ACAT2: variants seen among roughly 807,000 people sequenced by gnomAD.
The protein encoded by ACAT2 is acetyl-CoA acetyltransferase, cytosolic.
Under a neutral mutation model 37.1 loss-of-function variants are expected in ACAT2, and 26 were observed. The observed-to-expected ratio is 0.70, with a 90% CI of 0.51 to 0.97. ACAT2 has a LOEUF of 0.97. Ranked by LOEUF, ACAT2 falls within the 50% of genes least tolerant of loss-of-function variation. ACAT2 has a pLI of 0.00. For missense variants in ACAT2, 468 were observed against 489.0 expected, an observed-to-expected ratio of 0.96 and a Z score of 0.40; for synonymous variants, 156 against 163.6, an observed-to-expected ratio of 0.95 and a Z score of 0.35.
chr6:159,777,741 GGTCT>G lies in ACAT2; in HGVS notation c.912+286_912+289del, dbSNP rs1780451385. Among the ~76,000 whole-genome samples, 4 of 111,564 alleles carry G rather than the reference GGTCT, an allele frequency of 3.6e-5. No homozygotes were observed. In the South Asian group the frequency reaches 1.2e-3, roughly 33 times the overall value. 73.2% of individuals were successfully genotyped at this position (111,564 alleles called of 152,430 possible). On this transcript the variant is annotated intron_variant, in intron 7 of 8. Coordinates refer to ENST00000367048, the MANE Select transcript of ACAT2 (RefSeq NM_005891.3). ...CGCCTTCTTCATTTCGTAGAGACAA[GGTCT>G]ATGTCGCCCAGGCTGGTTTTGAACT...
chr6:159,775,276 C>T lies in ACAT2; in HGVS notation c.597C>T (p.Asp199=). The part of the protein sequence containing the change: ...TENAQKAGHF[D]KEIVPVLVST... ...ATGCACAGAAAGCTGGCCATTTTGA[C>T]AAAGAGATTGTACCAGTTTTGGTGT... Residue 199 remains aspartate, a synonymous_variant, in exon 5 of 9, where the codon GAC becomes GAT. Transcript: ENST00000367048. The T allele has an allele frequency of 6.2e-7, 1 of 1,614,044 alleles. No individual in the cohort carries two copies. The highest frequency in any genetic ancestry group is 1.1e-5 in the South Asian group (1 of 91,046).
At chr6:159,763,200 T>G in intron 2 of ACAT2, 147 bp downstream of exon 2, 1 of 1,109,948 alleles carries the variant, frequency 9.0e-7, no homozygotes, top group Non-Finnish European at 1.3e-6. Flanking sequence ...CCCTCTGTTA[T>G]GATTCCTCCT....
chr6:159,777,290 CAT>C lies in ACAT2; in HGVS notation c.758-9_758-8del. On this transcript the variant is annotated splice_polypyrimidine_tract_variant and intron_variant, in intron 6 of 8. Transcript: ENST00000367048. ...TAAGCATGGTAGAAATTAAGTCACTCATATTTTACAGGAATAAATGATGGTGC... is the reference window on the plus strand; with the variant it reads ...TAAGCATGGTAGAAATTAAGTCACTCATTTTACAGGAATAAATGATGGTGC... 1 of 1,608,086 alleles carries C rather than the reference CAT, an allele frequency of 6.2e-7. No individual in the cohort carries two copies.
At chr6:159,765,394 G>A (rs1780238319) in intron 2 of ACAT2, among the ~76,000 whole-genome samples, 2 of 150,856 alleles carry the variant, frequency 1.3e-5, no homozygotes, top group South Asian at 4.2e-4. Flanking sequence ...GGGATTACAG[G>A]CATGAGCCAC....
At chr6:159,768,038 C>G (rs1025673345) in intron 3 of ACAT2, among the ~76,000 whole-genome samples, 2 of 152,154 alleles carry the variant, frequency 1.3e-5, no homozygotes, top group African/African-American at 2.4e-5. Flanking sequence ...TTCTAATATA[C>G]CTGCTGTTGA....
chr6:159,764,434 T>A (rs962460159), intron 2 of ACAT2, among the ~76,000 whole-genome samples: 1 of 150,522 alleles, frequency 6.6e-6, no homozygotes, highest in Non-Finnish European at 1.5e-5. Context: ...ATTAATTAAT[T>A]AATTATTATT....
intron 5 of ACAT2, chr6:159,775,831 C>A: frequency 3.8e-6 from 1 of 262,710 alleles, no homozygotes; most frequent in Non-Finnish European, 7.3e-6. Context: ...CTGCCTGATC[C>A]ACTCACTCGT....
At chr6:159,778,615 G>A in intron 8 of ACAT2, 44 bp from the exon 9 acceptor site, 1 of 1,596,352 alleles carries the variant, frequency 6.3e-7, no homozygotes, top group South Asian at 1.1e-5. Context: ...TTTAAACTGT[G>A]TCCACAGAAG....
intron 4 of ACAT2, among the ~76,000 whole-genome samples, chr6:159,769,961 A>T (rs544550981): frequency 1.1e-3 from 171 of 152,366 alleles, no homozygotes; most frequent in African/African-American, 4.0e-3. Context: ...TGGAGATTTT[A>T]TAGATTACTA....
rs879071635 is a variant in ACAT2, at chr6:159,776,033, T to C, written c.635-117T>C. ...CTGTTGTCATCAAAGTGGTCACATA[T>C]TAAAACTTTTCTGCTAAATATGAAT... On this transcript the variant is annotated intron_variant, in intron 5 of 8. Transcript: ENST00000367048. 1.2e-5 allele frequency: 14 copies of C among 1,213,932 alleles called. No homozygotes were observed. The South Asian group carries it at 1.8e-4, about 15-fold the overall frequency. 75.2% of individuals were successfully genotyped at this position (1,213,932 alleles called of 1,614,324 possible). A position where few individuals can be genotyped will look rare whatever the true frequency, so the allele number is the denominator to read the frequency against.
rs749217651 is a variant in ACAT2, at chr6:159,777,409, G to T, written c.865G>T (p.Glu289Ter). ...RIVSWSQVGV[E>*]PSIMGIGPIP... ...AGTTTCCTGGTCCCAAGTGGGTGTG[G>T]AGCCTTCCATTATGGGAATAGGACC... The change falls in exon 7 of 9, where the codon GAG (glutamate) becomes TAG (stop). Residue 289 changes from glutamate to a stop codon, truncating the protein, a stop_gained. Coordinates refer to ENST00000367048, the MANE Select transcript of ACAT2 (RefSeq NM_005891.3). LOFTEE classifies it high-confidence loss of function. 1 of 1,614,170 alleles carries T rather than the reference G, an allele frequency of 6.2e-7. No individual in the cohort carries two copies. Among genetic ancestry groups the T allele is most frequent in the Non-Finnish European group, 8.5e-7 (1 of 1,180,030 alleles).
intron 5 of ACAT2, 22 bp from the exon 6 acceptor site, chr6:159,776,128 T>C: frequency 6.2e-7 from 1 of 1,611,896 alleles, no homozygotes; most frequent in Non-Finnish European, 8.5e-7. Flanking sequence ...TAATCTTGAG[T>C]AATTGGTTTT....
In ACAT2 at chr6:159,778,424, TAAAAAAAAAAAA is replaced by T. The variant is rs1162214335; in HGVS notation, c.1023+158_1023+169del. 3.0e-4 allele frequency: 27 copies of T among 91,382 alleles called. No homozygotes were observed. The East Asian group carries it at 3.0e-3, about 10-fold the overall frequency. 5.7% of individuals were successfully genotyped at this position (91,382 alleles called of 1,614,324 possible). The stretch of plus-strand genomic sequence containing the variant: ...ACTGAGTTCATTACTTCCCAAGGTT[TAAAAAAAAAAAA>T]AAAAAAAAAAAAAGACATTGGCTTA... On this transcript the variant is annotated intron_variant, in intron 8 of 8. Transcript: ENST00000367048.
intron 3 of ACAT2, 98 bp from the exon 4 acceptor site, chr6:159,768,413 G>GAT: frequency 2.2e-6 from 2 of 911,784 alleles, no homozygotes; most frequent in Non-Finnish European, 3.6e-6. Flanking sequence ...AAGGGGCCTA[G>GAT]ATGAAGACTT....
chr6:159,775,389 A>G (rs1780397584), intron 5 of ACAT2, 76 bp downstream of exon 5: 6 of 1,473,158 alleles, frequency 4.1e-6, no homozygotes, highest in South Asian at 2.6e-5. Flanking sequence ...ATACATAGGA[A>G]TCTTTAGAAA....
chr6:159,764,058 GC>G (rs1186623052), intron 2 of ACAT2, among the ~76,000 whole-genome samples: 3 of 151,824 alleles, frequency 2.0e-5, no homozygotes, highest in Admixed American at 1.3e-4. Context: ...CTGAGATTGT[GC>G]CACTGCACTC....
rs773100411 is a variant in ACAT2 at position 159,766,986 on chromosome 6, T to C, written c.191-19T>C. 1.2e-6 allele frequency: 2 copies of C among 1,613,476 alleles called. No individual in the cohort carries two copies. Among genetic ancestry groups the C allele is most frequent in the African/African-American group, 2.7e-5 (2 of 74,910 alleles). The stretch of plus-strand genomic sequence containing the variant: ...CTTTCTCCTTGATTGCTAAGAGTCC[T>C]CTGTGTTCCTCTTTCTAGGCTGTGG... On this transcript the variant is annotated intron_variant, in intron 2 of 8. Coordinates refer to ENST00000367048, the MANE Select transcript of ACAT2 (RefSeq NM_005891.3).
intron 2 of ACAT2, among the ~76,000 whole-genome samples, chr6:159,765,683 C>G (rs199714430): frequency 0.081 from 788 of 9,728 alleles, 6 homozygotes; most frequent in African/African-American, 0.17. Flanking sequence ...GCGCCCCCCT[C>G]CCCCGGCCTC....
At chr6:159,777,501 A>G (rs377573467) in intron 7 of ACAT2, 45 bp downstream of exon 7, 6 of 1,575,030 alleles carry the variant, frequency 3.8e-6, no homozygotes, top group Non-Finnish European at 4.3e-6. Context: ...TCTTCCTGTT[A>G]GCCTTAAGTG....
Sources: gnomAD v4.1 joint callset for allele counts (sites outside exome capture counted in the v4.1 genomes callset) on GRCh38, gnomAD v4.1.1 for gene constraint, MANE v1.5 for transcripts, NCBI Gene and HGNC (gene_info 2026-07-23, HGNC 2026-07-21) for gene names.